The following CSMD3 variants were observed in gnomAD, a reference collection of about 807,000 sequenced individuals.
CSMD3 encodes the protein CUB and Sushi multiple domains 3.
Under a neutral mutation model 435.2 loss-of-function variants are expected in CSMD3, and 177 were observed. The ratio of observed to expected loss-of-function variants is 0.41; its 90% CI spans 0.36 to 0.46. CSMD3 has a LOEUF of 0.46. CSMD3 is among the 20% of genes least tolerant of loss of function. The pLI is 0.34. For missense variants in CSMD3, 4,265 were observed against 4,504.6 expected (o/e 0.95, Z 1.52); for synonymous variants, 1,656 against 1,520.5 (o/e 1.09, Z -2.07).
intron 4 of CSMD3, among the ~76,000 whole-genome samples, chr8:113,114,669 G>A (rs1161506138): frequency 6.6e-6 from 1 of 152,116 alleles, no homozygotes; most frequent in East Asian, 1.9e-4. Context: ...GCATCCTACT[G>A]TAGACCCCAT....
intron 1 of CSMD3, among the ~76,000 whole-genome samples, chr8:113,347,726 G>C (rs2132886835): frequency 6.6e-6 from 1 of 152,252 alleles, no homozygotes; most frequent in South Asian, 2.1e-4. Context: ...CCTGCTGACA[G>C]ACGGCTGCTA....
chr8:112,267,463 ATC>A (rs1357674633), intron 59 of CSMD3, among the ~76,000 whole-genome samples: 1 of 152,280 alleles, frequency 6.6e-6, no homozygotes, highest in Admixed American at 6.5e-5. Context: ...ACAATACGTC[ATC>A]TCTTTTTATA....
chr8:112,379,119 A>G (rs1349459519), intron 38 of CSMD3, among the ~76,000 whole-genome samples: 4 of 152,206 alleles, frequency 2.6e-5, no homozygotes, highest in African/African-American at 7.2e-5. Context: ...ATGAAAAATA[A>G]TAAAATACTT....
intron 1 of CSMD3, among the ~76,000 whole-genome samples, chr8:113,359,564 A>G (rs2094257332): frequency 6.6e-6 from 1 of 152,174 alleles, no homozygotes; most frequent in Non-Finnish European, 1.5e-5. Flanking sequence ...GGCAATCTAG[A>G]AAGAGGGCAG....
chr8:113,076,789 T>A (rs2089356437), intron 5 of CSMD3, among the ~76,000 whole-genome samples: 1 of 152,108 alleles, frequency 6.6e-6, no homozygotes, highest in African/African-American at 2.4e-5. Context: ...TAGGCAATAT[T>A]TTATTGTATG....
intron 2 of CSMD3, among the ~76,000 whole-genome samples, chr8:113,296,655 A>G (rs1435338429): frequency 6.6e-6 from 1 of 152,180 alleles, no homozygotes; most frequent in African/African-American, 2.4e-5. Flanking sequence ...AATAGAATTG[A>G]CCCTAACAGG....
At chr8:113,348,256 A>G (rs528346326) in intron 1 of CSMD3, among the ~76,000 whole-genome samples, 8 of 152,268 alleles carry the variant, frequency 5.3e-5, no homozygotes, top group African/African-American at 1.2e-4. Context: ...CATTGTCTTC[A>G]TAAGTAGTTT....
At chr8:113,083,730 T>C (rs891571809) in intron 5 of CSMD3, among the ~76,000 whole-genome samples, 1 of 152,072 alleles carries the variant, frequency 6.6e-6, no homozygotes, top group African/African-American at 2.4e-5. Context: ...AAATTTTCAA[T>C]TGAAAGGTAG....
intron 31 of CSMD3, among the ~76,000 whole-genome samples, chr8:112,489,639 A>G (rs1820486715): frequency 6.6e-6 from 1 of 152,216 alleles, no homozygotes; most frequent in African/African-American, 2.4e-5. Flanking sequence ...ACAATATCTT[A>G]TGATTAGATA....
At chr8:112,377,643 A>G (rs557711654) in intron 38 of CSMD3, among the ~76,000 whole-genome samples, 7 of 152,226 alleles carry the variant, frequency 4.6e-5, no homozygotes, top group Non-Finnish European at 1.0e-4. Flanking sequence ...AAAACATCAT[A>G]TACCACAACT....
chr8:113,186,206 G>A (rs549640790), intron 3 of CSMD3, among the ~76,000 whole-genome samples: 6 of 151,882 alleles, frequency 4.0e-5, no homozygotes, highest in Non-Finnish European at 7.4e-5. Flanking sequence ...TTTCCATAGG[G>A]CTGTGCCCTA....
chr8:113,265,389 T>G (rs2093461394), intron 3 of CSMD3, among the ~76,000 whole-genome samples: 1 of 151,644 alleles, frequency 6.6e-6, no homozygotes, highest in South Asian at 2.1e-4. Flanking sequence ...ATAGTGTTAA[T>G]TCAATTGTTT....
intron 22 of CSMD3, among the ~76,000 whole-genome samples, chr8:112,592,659 G>A (rs963990818): frequency 2.0e-5 from 3 of 151,974 alleles, no homozygotes; most frequent in African/African-American, 4.8e-5. Flanking sequence ...ATCATTTTCT[G>A]TCAAAAATAT....
At chr8:113,331,119 A>G (rs1216829918) in intron 1 of CSMD3, among the ~76,000 whole-genome samples, 2 of 151,802 alleles carry the variant, frequency 1.3e-5, no homozygotes, top group African/African-American at 4.8e-5. Context: ...ATCAAGAATA[A>G]TAGAGAGCAC....
intron 8 of CSMD3, among the ~76,000 whole-genome samples, chr8:112,952,225 A>G (rs547853633): frequency 2.0e-5 from 3 of 151,552 alleles, no homozygotes; most frequent in African/African-American, 4.8e-5. Context: ...AGCTTCTTTA[A>G]TCTCTTGTTA....
At chr8:112,803,040 T>G (rs1338638238) in intron 12 of CSMD3, among the ~76,000 whole-genome samples, 1 of 152,028 alleles carries the variant, frequency 6.6e-6, no homozygotes. Flanking sequence ...CTTTCAGAAT[T>G]TGTTATGATT....
intron 1 of CSMD3, among the ~76,000 whole-genome samples, chr8:113,324,995 C>T (rs1327120158): frequency 6.6e-6 from 1 of 152,208 alleles, no homozygotes; most frequent in Admixed American, 6.5e-5. Flanking sequence ...AGCCCCTTTG[C>T]TTCTGCCAAT....
At chr8:113,368,763 A>C (rs1490834858) in intron 1 of CSMD3, among the ~76,000 whole-genome samples, 1 of 152,132 alleles carries the variant, frequency 6.6e-6, no homozygotes, top group Admixed American at 6.6e-5. Flanking sequence ...AATAATATTT[A>C]CATATCATTT....
rs149915908 is a variant in CSMD3 at position 113,307,064 on chromosome 8, A to T, written c.401+7507T>A. Among the ~76,000 whole-genome samples, 44 of 152,224 alleles carry T rather than the reference A, an allele frequency of 2.9e-4. No individual in the cohort carries two copies. In the East Asian group the frequency reaches 8.1e-3, roughly 28 times the overall value. ...TAATTTAGCCATGGTAATGAAATAT[A>T]TTCTAGAATAATGACCAAGAAGGTA... On this transcript the variant is annotated intron_variant, in intron 2 of 70. Transcript: ENST00000297405.
Sources: allele counts gnomAD v4.1 joint callset (sites outside exome capture counted in the v4.1 genomes callset), GRCh38; gene constraint gnomAD v4.1.1; transcripts MANE v1.5; gene names NCBI Gene and HGNC (gene_info 2026-07-23, HGNC 2026-07-21).